RAB6C: variants seen among roughly 807,000 people sequenced by gnomAD.
RAB6C encodes ras-related protein Rab-6C.
Under a neutral mutation model 17.2 loss-of-function variants are expected in RAB6C, and 8 were observed. That is an observed-to-expected ratio of 0.46 (90% confidence interval 0.27 to 0.84). The LOEUF (loss-of-function observed/expected upper bound fraction) is 0.84. RAB6C is among the 40% of genes least tolerant of loss of function. The probability of loss-of-function intolerance (pLI) is 0.13; values close to 1 mark genes in which losing one functional copy is unlikely to be tolerated. For synonymous variants in RAB6C, 78 were observed against 118.9 expected (o/e 0.66, Z 2.24); for missense variants, 151 against 306.5 (o/e 0.49, Z 3.79).
chr2:129,981,131 C>G lies in RAB6C; in HGVS notation c.*251C>G. The G allele has an allele frequency of 3.3e-6, 1 of 300,834 alleles. No individual in the cohort carries two copies. The highest frequency in any genetic ancestry group is 6.5e-5 in the South Asian group (1 of 15,322). 18.6% of individuals were successfully genotyped at this position (300,834 alleles called of 1,614,324 possible). A position where few individuals can be genotyped will look rare whatever the true frequency, so the allele number is the denominator to read the frequency against. On this transcript the variant is annotated 3_prime_UTR_variant, in exon 1 of 1. Coordinates refer to ENST00000410061, the MANE Select transcript of RAB6C (RefSeq NM_032144.3). Reference sequence around the variant, plus strand: ...CTCTCCTTGCTCTTCTCACCTCTCCCTTACCCCGTTCCCTATTTCCGTGTT... The same window carrying G: ...CTCTCCTTGCTCTTCTCACCTCTCCGTTACCCCGTTCCCTATTTCCGTGTT...
chr2:129,981,114 G>A lies in RAB6C; in HGVS notation c.*234G>A, dbSNP rs990355356. 2.1e-6 allele frequency: 1 copy of A among 470,744 alleles called. No homozygotes were observed. The highest frequency in any genetic ancestry group is 4.0e-6 in the Non-Finnish European group (1 of 252,132). The allele number at this position is 470,744 out of a possible 1,614,324, so 29.2% of individuals were successfully genotyped here. A position where few individuals can be genotyped will look rare whatever the true frequency, so the allele number is the denominator to read the frequency against. On this transcript the variant is annotated 3_prime_UTR_variant, in exon 1 of 1. Transcript: ENST00000410061. ...TTCACAGCCTGCTTTATCTCTCCTT[G>A]CTCTTCTCACCTCTCCCTTACCCCG...
At position 129,979,943 on chromosome 2, in the gene RAB6C, A is replaced by T. The variant is rs1681714209; in HGVS notation, c.-173A>T. The T allele has an allele frequency of 1.7e-6, 2 of 1,203,658 alleles. No homozygotes were observed. Among genetic ancestry groups the T allele is most frequent in the Admixed American group, 2.9e-5 (1 of 34,882 alleles). 74.6% of individuals were successfully genotyped at this position (1,203,658 alleles called of 1,614,324 possible). On this transcript the variant is annotated 5_prime_UTR_variant, in exon 1 of 1. Transcript: ENST00000410061. ...CGGCGGCGGCTGCCAGTCTGTGGCGAGCCCTGCTGCCCTCCAGCCGGGCTC... is the reference window on the plus strand; with the variant it reads ...CGGCGGCGGCTGCCAGTCTGTGGCGTGCCCTGCTGCCCTCCAGCCGGGCTC...
rs1419049272 is a variant in RAB6C, at chr2:129,979,706, C to G, written c.-410C>G. 7 of 258,012 alleles carry G rather than the reference C, an allele frequency of 2.7e-5. No individual in the cohort carries two copies. The highest frequency in any genetic ancestry group is 5.1e-5 in the Admixed American group (1 of 19,658). 16.0% of individuals were successfully genotyped at this position (258,012 alleles called of 1,614,324 possible). A position where few individuals can be genotyped will look rare whatever the true frequency, so the allele number is the denominator to read the frequency against. ...CTGCGGCGGCGGCGGCTGGGGAAGC[C>G]GAAGCGCCGCGCGTGAGAGATCCCG... On this transcript the variant is annotated 5_prime_UTR_variant, in exon 1 of 1. Coordinates refer to ENST00000410061, the MANE Select transcript of RAB6C (RefSeq NM_032144.3).
Position 129,980,435 on chromosome 2 carries a change from G to C in RAB6C, c.320G>C (p.Trp107Ser). The change falls in exon 1 of 1, where the codon TGG becomes TCG. Residue 107 changes from tryptophan to serine, a missense_variant. Trp to Ser is a radical substitution (Grantham distance 177). This residue lies in a region of RAB6C where 136 missense variants were observed against 200.0 expected (regional missense o/e 0.68). Transcript: ENST00000410061. The stretch of plus-strand genomic sequence containing the variant: ...AACTCATTCCAGCAAACTACAAAGT[G>C]GATTGATGATGTCAGAACAGAAAGA... ...NVNSFQQTTK[W>S]IDDVRTERGS... 1.9e-6 allele frequency: 3 copies of C among 1,613,818 alleles called. No individual in the cohort carries two copies. The highest frequency in any genetic ancestry group is 2.5e-6 in the Non-Finnish European group (3 of 1,180,014).
chr2:129,980,741 A>G lies in RAB6C; in HGVS notation c.626A>G (p.Tyr209Cys). ...QTVSEGGCSC[Y>C]SPMSSSTLPQ... ...GTCAGCGAAGGGGGTTGTTCCTGCT[A>G]CTCTCCCATGTCATCTTCAACCCTT... The change falls in exon 1 of 1, where the codon TAC becomes TGC. Residue 209 changes from tyrosine (Y) to cysteine (C), a missense_variant. Transcript: ENST00000410061. 1.2e-6 allele frequency: 2 copies of G among 1,605,586 alleles called. No homozygotes were observed. The highest frequency in any genetic ancestry group is 1.7e-6 in the Non-Finnish European group (2 of 1,174,340).
In RAB6C at chr2:129,981,815, C is replaced by T. The variant is rs1450921268; in HGVS notation, c.*935C>T. On this transcript the variant is annotated 3_prime_UTR_variant, in exon 1 of 1. Transcript: ENST00000410061. Reference sequence around the variant, plus strand: ...AATAACGATATCTAAAGCTTACCAGCAAAAGAACCCTCAGCAGAATAGCAA... The same window carrying T: ...AATAACGATATCTAAAGCTTACCAGTAAAAGAACCCTCAGCAGAATAGCAA... 6.0e-6 allele frequency: 1 copy of T among 167,052 alleles called. No individual in the cohort carries two copies. The highest frequency in any genetic ancestry group is 1.9e-4 in the East Asian group (1 of 5,208). 10.3% of individuals were successfully genotyped at this position (167,052 alleles called of 1,614,324 possible). A position where few individuals can be genotyped will look rare whatever the true frequency, so the allele number is the denominator to read the frequency against.
chr2:129,982,077 CT>C lies in RAB6C; in HGVS notation c.*1198del, dbSNP rs1681777602. On this transcript the variant is annotated 3_prime_UTR_variant, in exon 1 of 1. Coordinates refer to ENST00000410061, the MANE Select transcript of RAB6C (RefSeq NM_032144.3). ...TTTGTATTAGATCTGTATAGTTTAA[CT>C]AGTGATTTAGTTTTATATTTAAGCT... The C allele has an allele frequency of 4.2e-5, 1 of 23,600 alleles. No homozygotes were observed. The highest frequency in any genetic ancestry group is 1.6e-4 in the Non-Finnish European group (1 of 6,246). 1.5% of individuals were successfully genotyped at this position (23,600 alleles called of 1,614,324 possible).
At position 129,980,178 on chromosome 2, in the gene RAB6C, G is replaced by C. The variant is rs766954703; in HGVS notation, c.63G>C (p.Glu21Asp). ...LRKFKLVFLG[E>D]QSVAKTSLIT... Reference sequence around the variant, plus strand: ...AATTCAAGCTGGTGTTCCTGGGGGAGCAAAGCGTTGCAAAGACATCTTTGA... The same window carrying C: ...AATTCAAGCTGGTGTTCCTGGGGGACCAAAGCGTTGCAAAGACATCTTTGA... The change falls in exon 1 of 1, where the codon GAG (glutamate) becomes GAC (aspartate). Residue 21 changes from glutamate to aspartate, a missense_variant. Physicochemically the swap from Glu to Asp is conservative, Grantham distance 45. Coordinates refer to ENST00000410061, the MANE Select transcript of RAB6C (RefSeq NM_032144.3). The C allele has an allele frequency of 1.9e-6, 3 of 1,603,456 alleles. No homozygotes were observed. Among genetic ancestry groups the C allele is most frequent in the Non-Finnish European group, 2.6e-6 (3 of 1,173,706 alleles).
Position 129,981,076 on chromosome 2 carries a change from A to C in RAB6C, c.*196A>C. 1 of 589,670 alleles carries C rather than the reference A, an allele frequency of 1.7e-6. No homozygotes were observed. The allele number at this position is 589,670 out of a possible 1,614,324, so 36.5% of individuals were successfully genotyped here. On this transcript the variant is annotated 3_prime_UTR_variant, in exon 1 of 1. Transcript: ENST00000410061. Reference sequence around the variant, plus strand: ...TCAACAGTATGAGTATGGCTTGGTTAACGAGCAGTATGTTCACAGCCTGCT... The same window carrying C: ...TCAACAGTATGAGTATGGCTTGGTTCACGAGCAGTATGTTCACAGCCTGCT...
In RAB6C at chr2:129,980,820, C is replaced by G; in HGVS notation, c.705C>G (p.Asn235Lys). Residue 235 changes from asparagine to lysine, a missense_variant, in exon 1 of 1, where the codon AAC (asparagine) becomes AAG (lysine). Transcript: ENST00000410061. Reference sequence around the variant, plus strand: ...ACTGCAGTGTGAATATTGGCTTGAACCTTTTCCCTTCATTAATAACGTTTT... The same window carrying G: ...ACTGCAGTGTGAATATTGGCTTGAAGCTTTTCCCTTCATTAATAACGTTTT... ...FIDCSVNIGL[N>K]LFPSLITFCN... 4 of 1,594,868 alleles carry G rather than the reference C, an allele frequency of 2.5e-6. No individual in the cohort carries two copies. The highest frequency in any genetic ancestry group is 3.4e-6 in the Non-Finnish European group (4 of 1,169,648).
In RAB6C at chr2:129,979,844, G is replaced by A. The variant is rs1406940177; in HGVS notation, c.-272G>A. ...CTTGGGAAGCCAAAGCACACCCCTGGCTCCTGCCGACACCGCCCTCCTTCC... is the reference window on the plus strand; with the variant it reads ...CTTGGGAAGCCAAAGCACACCCCTGACTCCTGCCGACACCGCCCTCCTTCC... On this transcript the variant is annotated 5_prime_UTR_variant, in exon 1 of 1. Coordinates refer to ENST00000410061, the MANE Select transcript of RAB6C (RefSeq NM_032144.3). 1 of 602,136 alleles carries A rather than the reference G, an allele frequency of 1.7e-6. No homozygotes were observed. Among genetic ancestry groups the A allele is most frequent in the Admixed American group, 3.0e-5 (1 of 33,180 alleles). The allele number at this position is 602,136 out of a possible 1,614,324, so 37.3% of individuals were successfully genotyped here. A position where few individuals can be genotyped will look rare whatever the true frequency, so the allele number is the denominator to read the frequency against.
In RAB6C at chr2:129,981,087, T is replaced by G. The variant is rs932013369; in HGVS notation, c.*207T>G. On this transcript the variant is annotated 3_prime_UTR_variant, in exon 1 of 1. Coordinates refer to ENST00000410061, the MANE Select transcript of RAB6C (RefSeq NM_032144.3). ...AGTATGGCTTGGTTAACGAGCAGTA[T>G]GTTCACAGCCTGCTTTATCTCTCCT... is the stretch of plus-strand genomic sequence containing the variant. 3.5e-5 allele frequency: 20 copies of G among 572,418 alleles called. 1 individual carries two copies. The South Asian group carries it at 3.9e-4, about 11-fold the overall frequency. The allele number at this position is 572,418 out of a possible 1,614,324, so 35.5% of individuals were successfully genotyped here.
At position 129,982,669 on chromosome 2, in the gene RAB6C, T is replaced by C. The variant is rs1251099118; in HGVS notation, c.*1789T>C. The C allele has an allele frequency of 6.0e-6, 1 of 167,110 alleles. No individual in the cohort carries two copies. Among genetic ancestry groups the C allele is most frequent in the Non-Finnish European group, 1.5e-5 (1 of 68,124 alleles). 10.4% of individuals were successfully genotyped at this position (167,110 alleles called of 1,614,324 possible). ...TGCTTTTATAATACAATATAATTGC[T>C]AAAGGCAAGGGTTGACTCTTTGTTT... On this transcript the variant is annotated 3_prime_UTR_variant, in exon 1 of 1. Coordinates refer to ENST00000410061, the MANE Select transcript of RAB6C (RefSeq NM_032144.3).
rs1681706438 is a variant in RAB6C at position 129,979,735 on chromosome 2, A to G, written c.-381A>G. 1 of 315,068 alleles carries G rather than the reference A, an allele frequency of 3.2e-6. No homozygotes were observed. The highest frequency in any genetic ancestry group is 6.1e-6 in the Non-Finnish European group (1 of 164,670). 19.5% of individuals were successfully genotyped at this position (315,068 alleles called of 1,614,324 possible). On this transcript the variant is annotated 5_prime_UTR_variant, in exon 1 of 1. In the 5' UTR this introduces an upstream ATG that the reference lacks. Coordinates refer to ENST00000410061, the MANE Select transcript of RAB6C (RefSeq NM_032144.3). ...GCGCCGCGCGTGAGAGATCCCGGAT[A>G]CATCTGCGGTTTGGGCTCCGCCACC...
chr2:129,982,007 A>AT lies in RAB6C; in HGVS notation c.*1133dup, dbSNP rs991630762. ...TGAATATTATGCAGATTTATGCCTT[A>AT]TTTTTTAGCATTTTTTAAGGTTGGG... On this transcript the variant is annotated 3_prime_UTR_variant, in exon 1 of 1. Coordinates refer to ENST00000410061, the MANE Select transcript of RAB6C (RefSeq NM_032144.3). 2 of 166,782 alleles carry AT rather than the reference A, an allele frequency of 1.2e-5. No individual in the cohort carries two copies. Among genetic ancestry groups the AT allele is most frequent in the African/African-American group, 4.8e-5 (2 of 41,334 alleles). The allele number at this position is 166,782 out of a possible 1,614,324, so 10.3% of individuals were successfully genotyped here.
At position 129,979,813 on chromosome 2, in the gene RAB6C, C is replaced by T. The variant is rs1681709832; in HGVS notation, c.-303C>T. 13 of 551,690 alleles carry T rather than the reference C, an allele frequency of 2.4e-5. No individual in the cohort carries two copies. The highest frequency in any genetic ancestry group is 1.3e-4 in the Admixed American group (4 of 30,698). The allele number at this position is 551,690 out of a possible 1,614,324, so 34.2% of individuals were successfully genotyped here. A position where few individuals can be genotyped will look rare whatever the true frequency, so the allele number is the denominator to read the frequency against. On this transcript the variant is annotated 5_prime_UTR_variant, in exon 1 of 1. Coordinates refer to ENST00000410061, the MANE Select transcript of RAB6C (RefSeq NM_032144.3). ...GCCGGGTGCGGAAGGAGGGAACGGCCCTAGCCTTGGGAAGCCAAAGCACAC... is the reference window on the plus strand; with the variant it reads ...GCCGGGTGCGGAAGGAGGGAACGGCTCTAGCCTTGGGAAGCCAAAGCACAC...
At position 129,982,687 on chromosome 2, in the gene RAB6C, C is replaced by T. The variant is rs765101182; in HGVS notation, c.*1807C>T. On this transcript the variant is annotated 3_prime_UTR_variant, in exon 1 of 1. Coordinates refer to ENST00000410061, the MANE Select transcript of RAB6C (RefSeq NM_032144.3). ...TAATTGCTAAAGGCAAGGGTTGACT[C>T]TTTGTTTTATTTTGACATGGCATGT... is the stretch of plus-strand genomic sequence containing the variant. The T allele has an allele frequency of 3.0e-5, 5 of 167,020 alleles. No homozygotes were observed. Among genetic ancestry groups the T allele is most frequent in the Non-Finnish European group, 5.9e-5 (4 of 68,116 alleles). The allele number at this position is 167,020 out of a possible 1,614,324, so 10.3% of individuals were successfully genotyped here. A position where few individuals can be genotyped will look rare whatever the true frequency, so the allele number is the denominator to read the frequency against.
chr2:129,981,621 T>G lies in RAB6C; in HGVS notation c.*741T>G, dbSNP rs1558847444. On this transcript the variant is annotated 3_prime_UTR_variant, in exon 1 of 1. Coordinates refer to ENST00000410061, the MANE Select transcript of RAB6C (RefSeq NM_032144.3). ...TTTAAAATTGTCAAGAGTTATTCTG[T>G]TTGTTTAAAAAGTAAGAAACCTCTG... 2 of 167,086 alleles carry G rather than the reference T, an allele frequency of 1.2e-5. No homozygotes were observed. Among genetic ancestry groups the G allele is most frequent in the South Asian group, 4.1e-4 (2 of 4,834 alleles). 10.4% of individuals were successfully genotyped at this position (167,086 alleles called of 1,614,324 possible).
Position 129,980,475 on chromosome 2 carries a change from C to T in RAB6C, c.360C>T (p.Ile120=), listed in dbSNP as rs1202046693. 8 of 1,614,022 alleles carry T rather than the reference C, an allele frequency of 5.0e-6. No individual in the cohort carries two copies. Among genetic ancestry groups the T allele is most frequent in the Middle Eastern group, 3.3e-4 (2 of 6,084 alleles). ...DVRTERGSDV[I]ITLVGNRTDL... is the part of the protein sequence containing the mutation. ...GAACAGAAAGAGGAAGTGATGTTAT[C>T]ATCACGCTAGTAGGAAATAGAACAG... The change falls in exon 1 of 1, where the codon ATC becomes ATT. Residue 120 remains isoleucine (I), a synonymous_variant. Coordinates refer to ENST00000410061, the MANE Select transcript of RAB6C (RefSeq NM_032144.3).
Sources: allele counts gnomAD v4.1 joint callset, GRCh38; gene constraint gnomAD v4.1.1; regional missense constraint gnomAD v4.1.1; transcripts MANE v1.5; gene names NCBI Gene and HGNC (gene_info 2026-07-23, HGNC 2026-07-21).